Variants in PEX5L observed in about 807,000 individuals in gnomAD.
The protein encoded by PEX5L is peroxisomal biogenesis factor 5 like, also known as PEX5-related protein.
In PEX5L, 30 loss-of-function variants were observed where a neutral mutation model predicts 84.0. The ratio of observed to expected loss-of-function variants is 0.36; its 90% confidence interval spans 0.27 to 0.48. The LOEUF is 0.48. Among genes scored for constraint, PEX5L ranks in the 20% least tolerant of loss-of-function variants. The pLI is 0.99. For synonymous variants in PEX5L, 270 were observed against 283.1 expected, an observed-to-expected ratio of 0.95 and a Z score of 0.46; for missense variants, 533 against 754.6, an observed-to-expected ratio of 0.71 and a Z score of 3.44.
intron 8 of PEX5L, among the ~76,000 whole-genome samples, chr3:179,826,404 G>T (rs770104398): frequency 6.6e-6 from 1 of 152,200 alleles, no homozygotes; most frequent in African/African-American, 2.4e-5. Flanking sequence ...AATTTCACAT[G>T]ATTATATCTG....
intron 2 of PEX5L, among the ~76,000 whole-genome samples, chr3:179,969,458 A>G (rs901174087): frequency 6.6e-6 from 1 of 152,104 alleles, no homozygotes; most frequent in African/African-American, 2.4e-5. Context: ...ACAAATGTAC[A>G]TATACATACA....
chr3:179,914,189 TA>T (rs1156622522), intron 2 of PEX5L, among the ~76,000 whole-genome samples: 1 of 152,214 alleles, frequency 6.6e-6, no homozygotes, highest in Admixed American at 6.5e-5. Context: ...GTCCAAACTG[TA>T]AGAGTTGCCT....
intron 1 of PEX5L, among the ~76,000 whole-genome samples, chr3:179,982,451 C>T (rs1209832235): frequency 6.6e-6 from 1 of 152,116 alleles, no homozygotes; most frequent in Non-Finnish European, 1.5e-5. Context: ...TCCTGTCTTT[C>T]TTCTTTAGAA....
intron 2 of PEX5L, among the ~76,000 whole-genome samples, chr3:179,937,351 C>A (rs181624935): frequency 1.3e-4 from 20 of 151,890 alleles, no homozygotes; most frequent in Non-Finnish European, 7.4e-5. Context: ...AGACAGCATG[C>A]GGGGTACATG....
intron 2 of PEX5L, among the ~76,000 whole-genome samples, chr3:179,947,995 C>T (rs1051718625): frequency 2.6e-5 from 4 of 151,844 alleles, no homozygotes; most frequent in Non-Finnish European, 5.9e-5. Flanking sequence ...TGTGAGCTAC[C>T]GTGCCTGGCC....
At position 179,880,090 on chromosome 3, in the gene PEX5L, C is replaced by T. The variant is rs146278325; in HGVS notation, c.344G>A (p.Ser115Asn). Residue 115 changes from serine (S) to asparagine (N), a missense_variant, in exon 5 of 15, where the codon AGT becomes AAT. Physicochemically the swap from Ser to Asn is conservative, Grantham distance 46 (BLOSUM62 1). This residue lies in a region of PEX5L where 259 missense variants were observed against 301.7 expected (regional missense o/e 0.86). Coordinates refer to ENST00000467460, the MANE Select transcript of PEX5L (RefSeq NM_016559.3). The part of the protein sequence containing the change: ...LTTGLDLLDL[S>N]EPVSQTQTKA... ...GGTTTGGGTTTGAGAGACTGGTTCA[C>T]TCAGGTCGAGGAGATCTAAGCCAGT... The T allele has an allele frequency of 2.5e-6, 4 of 1,612,844 alleles. No individual in the cohort carries two copies. The highest frequency in any genetic ancestry group is 3.4e-6 in the Non-Finnish European group (4 of 1,179,432).
At chr3:179,903,219 T>G (rs559807989) in intron 2 of PEX5L, among the ~76,000 whole-genome samples, 2 of 148,094 alleles carry the variant, frequency 1.4e-5, no homozygotes, top group East Asian at 3.9e-4. Flanking sequence ...CTATATATTT[T>G]TGTTTGTTTG....
At chr3:180,000,099 GCTT>G (rs1447869753) in intron 1 of PEX5L, among the ~76,000 whole-genome samples, 1 of 152,120 alleles carries the variant, frequency 6.6e-6, no homozygotes, top group Non-Finnish European at 1.5e-5. Flanking sequence ...CAAGATTTTT[GCTT>G]CTTGTTTCCA....
At chr3:179,809,705 T>C (rs777190348) in intron 11 of PEX5L, 37 bp from the exon 12 acceptor site, 4 of 1,510,484 alleles carry the variant, frequency 2.6e-6, no homozygotes, top group African/African-American at 1.4e-5. Context: ...AGATTTTTTT[T>C]TGAGCCACAA....
intron 14 of PEX5L, among the ~76,000 whole-genome samples, chr3:179,805,871 T>G (rs970307602): frequency 3.3e-5 from 5 of 152,218 alleles, no homozygotes; most frequent in Non-Finnish European, 7.4e-5. Context: ...GAATTTTGTA[T>G]CTGTGAATGC....
At chr3:179,896,720 C>A (rs1249459396) in intron 3 of PEX5L, among the ~76,000 whole-genome samples, 3 of 152,118 alleles carry the variant, frequency 2.0e-5, no homozygotes, top group Non-Finnish European at 4.4e-5. Flanking sequence ...TAGGTCTTAT[C>A]TACCGTTGTA....
intron 8 of PEX5L, among the ~76,000 whole-genome samples, chr3:179,826,055 G>A (rs1232430969): frequency 2.0e-5 from 3 of 152,124 alleles, no homozygotes; most frequent in African/African-American, 4.8e-5. Context: ...CAAACAGCCC[G>A]AGGCTCTCAC....
chr3:179,884,821 A>T (rs1442115511), intron 4 of PEX5L, among the ~76,000 whole-genome samples: 1 of 152,170 alleles, frequency 6.6e-6, no homozygotes, highest in Admixed American at 6.5e-5. Flanking sequence ...GGCAGTCTCA[A>T]AAACTTTTGT....
chr3:180,031,103 TA>T (rs1029170425), intron 1 of PEX5L, among the ~76,000 whole-genome samples: 6 of 123,858 alleles, frequency 4.8e-5, no homozygotes, highest in East Asian at 2.1e-4. Flanking sequence ...TTTATACTAA[TA>T]AAAAAATAGT....
At chr3:179,953,701 G>A (rs1779718686) in intron 2 of PEX5L, among the ~76,000 whole-genome samples, 1 of 152,160 alleles carries the variant, frequency 6.6e-6, no homozygotes, top group Admixed American at 6.5e-5. Flanking sequence ...AGACTGTTAA[G>A]TCTGGGGCCT....
chr3:179,904,734 G>A (rs565143100), intron 2 of PEX5L, among the ~76,000 whole-genome samples: 5 of 152,242 alleles, frequency 3.3e-5, no homozygotes, highest in Admixed American at 6.5e-5. Context: ...AATCATTTTC[G>A]TGGGTGCTTA....
At chr3:179,952,240 T>C (rs1779280741) in intron 2 of PEX5L, among the ~76,000 whole-genome samples, 1 of 152,228 alleles carries the variant, frequency 6.6e-6, no homozygotes, top group Admixed American at 6.5e-5. Context: ...AGGCATACTC[T>C]TGTCTCTTTA....
chr3:179,857,349 T>C (rs1469293030), intron 8 of PEX5L, among the ~76,000 whole-genome samples: 1 of 152,184 alleles, frequency 6.6e-6, no homozygotes, highest in African/African-American at 2.4e-5. Flanking sequence ...GGTAGGCCAA[T>C]TTCAGCATAA....
At chr3:179,874,725 G>GATTTTTTTTTTTTTTTT (rs1560487534) in intron 6 of PEX5L, among the ~76,000 whole-genome samples, 1 of 76,060 alleles carries the variant, frequency 1.3e-5, no homozygotes, top group Non-Finnish European at 2.5e-5. Flanking sequence ...AAAAAATTAT[G>GATTTTTTTTTTTTTTTT]GTTTTTTTTT....
Sources: allele counts gnomAD v4.1 joint callset (sites outside exome capture counted in the v4.1 genomes callset), GRCh38; gene constraint gnomAD v4.1.1; regional missense constraint gnomAD v4.1.1; transcripts MANE v1.5; gene names NCBI Gene and HGNC (gene_info 2026-07-23, HGNC 2026-07-21).